The following GRTP1 variants were observed in gnomAD, a reference collection of about 807,000 sequenced individuals.
GRTP1 encodes growth hormone regulated TBC protein 1.
Under a neutral mutation model 38.1 loss-of-function variants are expected in GRTP1, and 56 were observed. The ratio of observed to expected loss-of-function variants is 1.47; its 90% CI spans 1.19 to 1.84. The LOEUF (loss-of-function observed/expected upper bound fraction) is 1.84. Among genes scored for constraint, GRTP1 ranks in the 40% most tolerant of loss-of-function variants. The pLI, the probability that GRTP1 is intolerant of heterozygous loss-of-function variation, is 0.00. For synonymous variants in GRTP1, 217 were observed against 189.5 expected, an observed-to-expected ratio of 1.14 and a Z score of -1.19; for missense variants, 506 against 453.9, an observed-to-expected ratio of 1.11 and a Z score of -1.04.
chr13:113,343,578 T>A lies in GRTP1; in HGVS notation c.562+1285A>T, dbSNP rs1366910489. Among the ~76,000 whole-genome samples, 2 of 152,194 alleles carry A rather than the reference T, an allele frequency of 1.3e-5. No homozygotes were observed. Among genetic ancestry groups the A allele is most frequent in the East Asian group, 3.8e-4 (2 of 5,198 alleles). ...CACACAGCCAGGATCTGAACCAGGC[T>A]CTGCCATGTACAGCGGTGGTCAGGC... On this transcript the variant is annotated intron_variant, in intron 5 of 7. Coordinates refer to ENST00000375431, the MANE Select transcript of GRTP1 (RefSeq NM_024719.4). The surrounding 1 kb of genome is among the most constrained non-coding windows in gnomAD (Gnocchi z 4.8).
At chr13:113,329,603 TA>T (rs1406879962) in intron 5 of GRTP1, among the ~76,000 whole-genome samples, 1 of 149,694 alleles carries the variant, frequency 6.7e-6, no homozygotes. Flanking sequence ...AAAATAAAAA[TA>T]AAAATAAATT....
intron 5 of GRTP1, among the ~76,000 whole-genome samples, chr13:113,335,330 G>T (rs1051307599): frequency 6.6e-6 from 1 of 151,706 alleles, no homozygotes; most frequent in Non-Finnish European, 1.5e-5. Flanking sequence ...GGCTGAGGCA[G>T]GAGAATCGCT....
At position 113,343,758 on chromosome 13, in the gene GRTP1, C is replaced by A. The variant is rs968305116; in HGVS notation, c.562+1105G>T. Reference sequence around the variant, plus strand: ...CCAGGCAGGAGCTGGAGCCACACACCCCCAGGCTCCAAACACTGGGGACTG... The same window carrying A: ...CCAGGCAGGAGCTGGAGCCACACACACCCAGGCTCCAAACACTGGGGACTG... On this transcript the variant is annotated intron_variant, in intron 5 of 7. Transcript: ENST00000375431. This position sits in a 1 kb window ranked among gnomAD's most constrained non-coding sequence, Gnocchi z 4.8. Among the ~76,000 whole-genome samples, 1 of 152,198 alleles carries A rather than the reference C, an allele frequency of 6.6e-6. No homozygotes were observed. Among genetic ancestry groups the A allele is most frequent in the South Asian group, 2.1e-4 (1 of 4,836 alleles).
rs958886189 is a variant in GRTP1, at chr13:113,343,171, C to G, written c.562+1692G>C. Among the ~76,000 whole-genome samples the G allele has an allele frequency of 1.3e-5, 2 of 152,206 alleles. No homozygotes were observed. The highest frequency in any genetic ancestry group is 6.5e-5 in the Admixed American group (1 of 15,276). ...GATTTGCACTCAGACATAACCGAAGCAGGCTGTGAGCCCGTTTCCATGTCC... is the reference window on the plus strand; with the variant it reads ...GATTTGCACTCAGACATAACCGAAGGAGGCTGTGAGCCCGTTTCCATGTCC... On this transcript the variant is annotated intron_variant, in intron 5 of 7. Transcript: ENST00000375431. The surrounding 1 kb of genome is among the most constrained non-coding windows in gnomAD (Gnocchi z 4.8).
At position 113,344,932 on chromosome 13, in the gene GRTP1, T is replaced by C. The variant is rs1321773836; in HGVS notation, c.493A>G (p.Ile165Val). Residue 165 changes from isoleucine (I) to valine (V), a missense_variant, in exon 5 of 8, where the codon ATT becomes GTT. By Grantham distance (29) the Ile-to-Val change is conservative. Coordinates refer to ENST00000375431, the MANE Select transcript of GRTP1 (RefSeq NM_024719.4). ...QGMNFIAGYL[I>V]LITNNEEESF... ...TCTTCTTCATTATTTGTTATAAGAA[T>C]CAGATATCCTGCTATAAAATTCATT... 1.9e-6 allele frequency: 3 copies of C among 1,599,148 alleles called. No homozygotes were observed. The highest frequency in any genetic ancestry group is 2.6e-6 in the Non-Finnish European group (3 of 1,174,522).
Position 113,363,502 on chromosome 13 carries a change from G to C in GRTP1, c.181+260C>G, listed in dbSNP as rs549240846. ...TTACAGGCGTGAGCCACCGCGCCCG[G>C]CATGGATCGAGTTTTGATCCATCCC... On this transcript the variant is annotated intron_variant, in intron 2 of 7. Coordinates refer to ENST00000375431, the MANE Select transcript of GRTP1 (RefSeq NM_024719.4). 1.5e-3 allele frequency among the ~76,000 whole-genome samples: 221 copies of C among 152,326 alleles called. 2 individuals are homozygous for C. Among genetic ancestry groups the C allele is most frequent in the African/African-American group, 5.1e-3 (211 of 41,576 alleles).
rs549332203 is a variant in GRTP1, at chr13:113,326,425, T to G, written c.563-334A>C. Among the ~76,000 whole-genome samples the G allele has an allele frequency of 6.8e-3, 851 of 125,614 alleles. 3 individuals carry two copies. The highest frequency in any genetic ancestry group is 0.032 in the Middle Eastern group (7 of 222). 82.4% of individuals were successfully genotyped at this position (125,614 alleles called of 152,430 possible). On this transcript the variant is annotated intron_variant, in intron 5 of 7. Transcript: ENST00000375431. ...TGGCTCACACCTGTAATCCCAGCAC[T>G]TTGGGAGGCCGAGGCGGGTGGATCA...
At chr13:113,339,599 T>G (rs2042999857) in intron 5 of GRTP1, 1 of 152,258 alleles carries the variant, frequency 6.6e-6, no homozygotes, top group African/African-American at 2.4e-5. Flanking sequence ...AATTGATATA[T>G]CTCACAAAAG....
At chr13:113,330,191 A>T (rs2042839611) in intron 5 of GRTP1, among the ~76,000 whole-genome samples, 1 of 140,588 alleles carries the variant, frequency 7.1e-6, no homozygotes, top group Non-Finnish European at 1.5e-5. Flanking sequence ...GTGGATGGAA[A>T]CCCAGATGTG....
In GRTP1 at chr13:113,348,755, C is replaced by T. The variant is rs556189047; in HGVS notation, c.465+2094G>A. 2.4e-4 allele frequency among the ~76,000 whole-genome samples: 37 copies of T among 152,280 alleles called. No individual in the cohort carries two copies. The highest frequency in any genetic ancestry group is 8.4e-4 in the African/African-American group (35 of 41,566). On this transcript the variant is annotated intron_variant, in intron 4 of 7. Transcript: ENST00000375431. This position sits in a 1 kb window ranked among gnomAD's most constrained non-coding sequence, Gnocchi z 4.8. The stretch of plus-strand genomic sequence containing the variant: ...CAGGACTGCCAGGAACCAGCAGAAC[C>T]AGGGCAAGGCCTGGGACAGTCCGTC...
intron 2 of GRTP1, among the ~76,000 whole-genome samples, chr13:113,356,677 C>CT (rs1387000959): frequency 6.6e-6 from 1 of 152,186 alleles, no homozygotes. Flanking sequence ...AGAAAAAAAT[C>CT]TGAGGCACCA....
intron 4 of GRTP1, among the ~76,000 whole-genome samples, chr13:113,347,962 G>A (rs1010025625): frequency 2.6e-5 from 4 of 151,496 alleles, no homozygotes; most frequent in Non-Finnish European, 5.9e-5. Flanking sequence ...GGACCCGGGA[G>A]GACCTCTGTG....
Position 113,344,886 on chromosome 13 carries a change from G to A in GRTP1, c.539C>T (p.Ala180Val). ...NEEESFWLLD[A>V]LVGRILPDYY... ...ACCTGGTAGTATTCTTCCAACAAGA[G>A]CATCTAACAGCCAAAAAGATTCTTC... Residue 180 changes from alanine (A) to valine (V), a missense_variant, in exon 5 of 8, where the codon GCT becomes GTT. Ala to Val is a moderately conservative substitution (Grantham distance 64, BLOSUM62 0). Transcript: ENST00000375431. The A allele has an allele frequency of 1.2e-6, 2 of 1,607,730 alleles. No homozygotes were observed. The highest frequency in any genetic ancestry group is 1.3e-5 in the African/African-American group (1 of 74,864).
At chr13:113,347,322 G>A (rs1387549061) in intron 4 of GRTP1, among the ~76,000 whole-genome samples, 3 of 74,272 alleles carry the variant, frequency 4.0e-5, no homozygotes, top group Non-Finnish European at 5.3e-5. Context: ...CTCTGTGGCA[G>A]AGAGCAGACC....
intron 4 of GRTP1, among the ~76,000 whole-genome samples, chr13:113,346,511 TCTGTGGCAAAGAGCAGACCC>T: frequency 2.1e-4 from 2 of 9,414 alleles, no homozygotes; most frequent in African/African-American, 2.3e-4. Context: ...CGGGAGGACC[TCTGTGGCAAAGAGCAGACCC>T]GGGAGGACCT....
At chr13:113,346,258 G>A (rs61966621) in intron 4 of GRTP1, among the ~76,000 whole-genome samples, 1,167 of 54,128 alleles carry the variant, frequency 0.022, 158 homozygotes, top group African/African-American at 0.085. Context: ...GTGGCCGAGA[G>A]CAGATCCGGG....
intron 5 of GRTP1, among the ~76,000 whole-genome samples, chr13:113,336,061 G>C (rs2042950193): frequency 6.6e-6 from 1 of 152,126 alleles, no homozygotes; most frequent in South Asian, 2.1e-4. Context: ...CAAAGTGCTG[G>C]GATTACAGGC....
chr13:113,357,441 CAAAA>C (rs368660991), intron 2 of GRTP1, among the ~76,000 whole-genome samples: 3 of 97,698 alleles, frequency 3.1e-5, no homozygotes, highest in African/African-American at 4.2e-5. Context: ...GACACTGCCT[CAAAA>C]AAAAAAAAAA....
At chr13:113,352,950 C>T (rs2043312869) in intron 3 of GRTP1, among the ~76,000 whole-genome samples, 1 of 150,364 alleles carries the variant, frequency 6.7e-6, no homozygotes, top group South Asian at 2.1e-4. Flanking sequence ...GGGTAGGAGC[C>T]CACAGCTGAA....
Sources: allele counts gnomAD v4.1 joint callset (sites outside exome capture counted in the v4.1 genomes callset), GRCh38; gene constraint gnomAD v4.1.1; non-coding constraint Gnocchi (gnomAD v3.1); transcripts MANE v1.5; gene names NCBI Gene and HGNC (gene_info 2026-07-23, HGNC 2026-07-21).